Variants in NRG3 observed in about 807,000 individuals in gnomAD.
NRG3 encodes neuregulin 3.
Under a neutral mutation model 66.9 loss-of-function variants are expected in NRG3, and 31 were observed. The observed-to-expected ratio is 0.46, with a 90% confidence interval of 0.35 to 0.63. The LOEUF is 0.63. Ranked by LOEUF, NRG3 falls within the 20% of genes least tolerant of loss-of-function variation. The pLI, the probability that NRG3 is intolerant of heterozygous loss-of-function variation, is 0.00. For missense variants in NRG3, 910 were observed against 878.9 expected (o/e 1.04, Z -0.45); for synonymous variants, 393 against 359.4 (o/e 1.09, Z -1.06).
intron 3 of NRG3, among the ~76,000 whole-genome samples, chr10:82,855,570 G>A (rs552224587): frequency 3.9e-5 from 6 of 152,018 alleles, no homozygotes; most frequent in East Asian, 3.9e-4. Context: ...GCTGATTTTC[G>A]TATTTTTTGT....
chr10:82,445,448 TCTATC>T (rs1228807810), intron 2 of NRG3, among the ~76,000 whole-genome samples: 1 of 152,226 alleles, frequency 6.6e-6, no homozygotes, highest in Non-Finnish European at 1.5e-5. Context: ...GCATGTCACT[TCTATC>T]CTAGGTTCAT....
At chr10:82,327,453 C>G (rs1267363724) in intron 1 of NRG3, among the ~76,000 whole-genome samples, 1 of 152,176 alleles carries the variant, frequency 6.6e-6, no homozygotes, top group African/African-American at 2.4e-5. Context: ...CTTGCTTTAT[C>G]TATCTATCTT....
Position 82,406,988 on chromosome 10 carries a change from A to C in NRG3, c.953+48120A>C, listed in dbSNP as rs1281512278. 2.0e-5 allele frequency among the ~76,000 whole-genome samples: 3 copies of C among 152,062 alleles called. No homozygotes were observed. In the East Asian group the frequency reaches 5.8e-4, roughly 29 times the overall value. On this transcript the variant is annotated intron_variant, in intron 2 of 8. Transcript: ENST00000372141. ...TATTATTTTCATATCCAGGGTGTCT[A>C]TAAATCCTCTTATTTTTTTTCTTGT...
intron 2 of NRG3, among the ~76,000 whole-genome samples, chr10:82,584,328 C>A (rs2046539927): frequency 6.6e-6 from 1 of 152,092 alleles, no homozygotes; most frequent in Non-Finnish European, 1.5e-5. Flanking sequence ...TCAGGTGATC[C>A]ACCTACCTCA....
chr10:82,303,715 A>C (rs893847912), intron 1 of NRG3, among the ~76,000 whole-genome samples: 8 of 151,884 alleles, frequency 5.3e-5, no homozygotes, highest in African/African-American at 1.9e-4. Flanking sequence ...TAAAAATACA[A>C]AAATTAGCCG....
chr10:82,155,844 A>G (rs1299528852), intron 1 of NRG3, among the ~76,000 whole-genome samples: 2 of 151,920 alleles, frequency 1.3e-5, no homozygotes, highest in East Asian at 1.9e-4. Flanking sequence ...AGCTCAATAC[A>G]TAACAGGTAG....
intron 2 of NRG3, among the ~76,000 whole-genome samples, chr10:82,363,182 A>C (rs886934982): frequency 6.6e-6 from 1 of 152,232 alleles, no homozygotes; most frequent in South Asian, 2.1e-4. Flanking sequence ...CAATAGGGAA[A>C]TTGACAAAGG....
At chr10:82,600,543 G>T (rs184753400) in intron 2 of NRG3, among the ~76,000 whole-genome samples, 1 of 152,042 alleles carries the variant, frequency 6.6e-6, no homozygotes, top group Non-Finnish European at 1.5e-5. Context: ...CGATCTCAGC[G>T]CATTGCAACC....
intron 2 of NRG3, among the ~76,000 whole-genome samples, chr10:82,697,091 A>C (rs1000844437): frequency 6.6e-6 from 1 of 152,170 alleles, no homozygotes; most frequent in Non-Finnish European, 1.5e-5. Context: ...GAAAATGTAG[A>C]TGAAGTGGGA....
chr10:82,610,536 G>A (rs1590864944), intron 2 of NRG3, among the ~76,000 whole-genome samples: 1 of 152,122 alleles, frequency 6.6e-6, no homozygotes, highest in Non-Finnish European at 1.5e-5. Context: ...AATGTGCTCA[G>A]TGTTCATTAT....
At chr10:82,816,683 G>A (rs2061720641) in intron 3 of NRG3, among the ~76,000 whole-genome samples, 1 of 152,136 alleles carries the variant, frequency 6.6e-6, no homozygotes, top group African/African-American at 2.4e-5. Context: ...GTTGTCCATA[G>A]TGCCCAGTCT....
At chr10:82,311,358 C>G (rs1366670607) in intron 1 of NRG3, among the ~76,000 whole-genome samples, 1 of 152,156 alleles carries the variant, frequency 6.6e-6, no homozygotes, top group Non-Finnish European at 1.5e-5. Context: ...CCTAAGTGCT[C>G]CTGTGTAGCA....
At chr10:82,979,537 T>C (rs1224042727) in intron 8 of NRG3, among the ~76,000 whole-genome samples, 4 of 152,290 alleles carry the variant, frequency 2.6e-5, no homozygotes, top group Non-Finnish European at 5.9e-5. Flanking sequence ...ATACGTACAG[T>C]ATCTGCTTCC....
chr10:82,080,320 G>A (rs529846455), intron 1 of NRG3, among the ~76,000 whole-genome samples: 2 of 152,232 alleles, frequency 1.3e-5, no homozygotes, highest in Admixed American at 6.5e-5. Flanking sequence ...TGCATAGTTT[G>A]CCCTTTATCT....
intron 3 of NRG3, among the ~76,000 whole-genome samples, chr10:82,848,792 T>C (rs769043672): frequency 1.7e-4 from 26 of 152,148 alleles, no homozygotes; most frequent in Non-Finnish European, 3.4e-4. Flanking sequence ...GTTCTCATGA[T>C]AGTGAATAAG....
At chr10:82,232,577 G>A (rs995619933) in intron 1 of NRG3, 5 of 563,068 alleles carry the variant, frequency 8.9e-6, no homozygotes, top group African/African-American at 7.6e-5. Flanking sequence ...CGTTTTTCTG[G>A]TTACTAATAC....
intron 2 of NRG3, among the ~76,000 whole-genome samples, chr10:82,454,993 A>G (rs2091205607): frequency 6.6e-6 from 1 of 152,174 alleles, no homozygotes; most frequent in African/African-American, 2.4e-5. Context: ...AGACACTTTA[A>G]GTAATTTAGT....
chr10:82,390,123 C>G (rs1178792635), intron 2 of NRG3, among the ~76,000 whole-genome samples: 1 of 152,194 alleles, frequency 6.6e-6, no homozygotes, highest in Middle Eastern at 3.2e-3. Flanking sequence ...ACAAACCTAT[C>G]TGTCCACTAG....
intron 2 of NRG3, among the ~76,000 whole-genome samples, chr10:82,713,671 G>C (rs565209030): frequency 6.6e-6 from 1 of 152,148 alleles, no homozygotes; most frequent in East Asian, 1.9e-4. Context: ...CATGGGACTT[G>C]GTATTTTTTA....
Sources: allele counts gnomAD v4.1 joint callset (sites outside exome capture counted in the v4.1 genomes callset), GRCh38; gene constraint gnomAD v4.1.1; transcripts MANE v1.5; gene names NCBI Gene and HGNC (gene_info 2026-07-23, HGNC 2026-07-21).